The following CYP2J2 variants were observed in gnomAD, a reference collection of about 807,000 sequenced individuals.
The protein encoded by CYP2J2 is cytochrome P450 family 2 subfamily J member 2.
In CYP2J2, 41 loss-of-function variants were observed where a neutral mutation model predicts 48.8. That is an observed-to-expected ratio of 0.84 (90% CI 0.66 to 1.09). The LOEUF (loss-of-function observed/expected upper bound fraction) is 1.09, where lower values mean the gene tolerates loss of function less well. Ranked by LOEUF, CYP2J2 falls within the 50% of genes least tolerant of loss-of-function variation. The pLI, the probability that CYP2J2 is intolerant of heterozygous loss-of-function variation, is 0.00. For missense variants in CYP2J2, 644 were observed against 617.3 expected, an observed-to-expected ratio of 1.04 and a Z score of -0.46; for synonymous variants, 221 against 227.1, an observed-to-expected ratio of 0.97 and a Z score of 0.24.
the CYP2J2 span, among the ~76,000 whole-genome samples, chr1:59,950,315 G>A: frequency 6.6e-6 from 1 of 152,184 alleles, no homozygotes; most frequent in East Asian, 1.9e-4. Flanking sequence ...TTTGTGAGCT[G>A]TCAAGACCAT....
the CYP2J2 span, among the ~76,000 whole-genome samples, chr1:59,939,031 T>C: frequency 6.6e-6 from 1 of 152,192 alleles, no homozygotes; most frequent in Non-Finnish European, 1.5e-5. Context: ...GGCAAAGAGA[T>C]TGGAGCAAAG....
At position 59,893,663 on chromosome 1, in the gene CYP2J2, A is replaced by T. The variant is rs2228114; in HGVS notation, c.1497T>A (p.Val499=). 7.6e-4 allele frequency: 1,214 copies of T among 1,605,662 alleles called. 6 individuals are homozygous for T. In the African/African-American group the frequency reaches 0.015, roughly 20 times the overall value. Residue 499 remains valine, a synonymous_variant, in exon 9 of 9, where the codon GTT becomes GTA. Transcript: ENST00000371204. ...ISPVSHRLCA[V]PQV is the part of the protein sequence containing the mutation. ...TTTCTTAACAATATTACACCTGAGG[A>T]ACAGCGCAGAGGCGGTGACTGACTG...
At position 59,905,167 on chromosome 1, in the gene CYP2J2, G is replaced by A; in HGVS notation, c.1004-109C>T. 2.7e-6 allele frequency: 3 copies of A among 1,130,912 alleles called. No individual in the cohort carries two copies. In the South Asian group the frequency reaches 4.4e-5, roughly 17 times the overall value. 70.1% of individuals were successfully genotyped at this position (1,130,912 alleles called of 1,614,324 possible). On this transcript the variant is annotated intron_variant, in intron 6 of 8. Transcript: ENST00000371204. ...CTGTTGTATTTCAATTAGTGACCAG[G>A]TTGCAAGAAATAAAATGGTTCTTAA... is the stretch of plus-strand genomic sequence containing the variant.
At chr1:59,909,606 C>T (rs1644393903) in intron 5 of CYP2J2, among the ~76,000 whole-genome samples, 178 bp downstream of exon 5, 1 of 152,172 alleles carries the variant, frequency 6.6e-6, no homozygotes, top group Non-Finnish European at 1.5e-5. Context: ...TAGCCAAAAC[C>T]TTATCTGTAA....
At chr1:59,955,253 C>CAT in the CYP2J2 span, among the ~76,000 whole-genome samples, 618 of 107,962 alleles carry the variant, frequency 5.7e-3, 5 homozygotes, top group Middle Eastern at 0.034. Flanking sequence ...TATATATATC[C>CAT]ATATATATAT....
intron 7 of CYP2J2, among the ~76,000 whole-genome samples, chr1:59,903,649 T>C (rs768466218): frequency 4.6e-5 from 7 of 152,172 alleles, no homozygotes; most frequent in South Asian, 4.1e-4. Flanking sequence ...AGCCTACACA[T>C]GTACTCCCTG....
chr1:59,959,402 A>G, the CYP2J2 span, among the ~76,000 whole-genome samples: 1 of 152,146 alleles, frequency 6.6e-6, no homozygotes, highest in Admixed American at 6.6e-5. Context: ...AGCAATCCCA[A>G]TACTGGGTAA....
chr1:59,907,871 C>T lies in CYP2J2; in HGVS notation c.918G>A (p.Leu306=), dbSNP rs1405452146. ...FHEENLICST[L]DLFFAGTETT... Reference sequence around the variant, plus strand: ...TCTCGGTTCCGGCAAAGAAGAGGTCCAGGGTGCTGCAGATGAGGTTTTCTT... The same window carrying T: ...TCTCGGTTCCGGCAAAGAAGAGGTCTAGGGTGCTGCAGATGAGGTTTTCTT... The change falls in exon 6 of 9, where the codon CTG becomes CTA. Residue 306 remains leucine, a synonymous_variant. Transcript: ENST00000371204. The T allele has an allele frequency of 1.9e-6, 3 of 1,614,058 alleles. No homozygotes were observed. The highest frequency in any genetic ancestry group is 1.7e-6 in the Non-Finnish European group (2 of 1,179,952).
intron 1 of CYP2J2, among the ~76,000 whole-genome samples, chr1:59,924,959 A>C (rs955303281): frequency 1.3e-5 from 2 of 152,150 alleles, no homozygotes; most frequent in Non-Finnish European, 2.9e-5. Context: ...AAGAATAGAA[A>C]TGCATATACC....
At chr1:59,906,806 T>C (rs1265255364) in intron 6 of CYP2J2, among the ~76,000 whole-genome samples, 1 of 152,204 alleles carries the variant, frequency 6.6e-6, no homozygotes, top group East Asian at 1.9e-4. Context: ...AATATACATA[T>C]AAAGCATACA....
chr1:59,955,351 C>A, the CYP2J2 span, among the ~76,000 whole-genome samples: 27 of 146,430 alleles, frequency 1.8e-4, no homozygotes, highest in African/African-American at 6.2e-4. Flanking sequence ...TTCTTGCTTA[C>A]GAGAGAATGC....
chr1:59,948,500 A>G, the CYP2J2 span, among the ~76,000 whole-genome samples: 1 of 152,248 alleles, frequency 6.6e-6, no homozygotes, highest in East Asian at 1.9e-4. Context: ...AAAACATACA[A>G]AAATAAAAAT....
At chr1:59,896,191 A>G (rs569919882) in intron 8 of CYP2J2, among the ~76,000 whole-genome samples, 1 of 152,198 alleles carries the variant, frequency 6.6e-6, no homozygotes, top group African/African-American at 2.4e-5. Context: ...AGGCATGCTC[A>G]TTGCTCTCCA....
intron 8 of CYP2J2, among the ~76,000 whole-genome samples, chr1:59,896,784 A>T (rs1049725018): frequency 6.6e-6 from 1 of 152,252 alleles, no homozygotes. Flanking sequence ...CATGAAAAAG[A>T]AAGTTATAAA....
chr1:59,913,163 CA>C (rs1644433579), intron 2 of CYP2J2: 1 of 152,126 alleles, frequency 6.6e-6, no homozygotes, highest in Non-Finnish European at 1.5e-5. Flanking sequence ...CTCAGGATAC[CA>C]CTGTCTCCAG....
upstream of CYP2J2, among the ~76,000 whole-genome samples, chr1:59,929,866 A>C (rs547862160): frequency 2.3e-4 from 35 of 152,318 alleles, no homozygotes; most frequent in Admixed American, 6.5e-4. Context: ...ATAGCTGTAA[A>C]ATTTCCAAAA....
chr1:59,899,281 A>C (rs1241405994), intron 8 of CYP2J2, among the ~76,000 whole-genome samples: 1 of 152,266 alleles, frequency 6.6e-6, no homozygotes, highest in African/African-American at 2.4e-5. Context: ...GAAGACTGGA[A>C]GATAGTCCTA....
Position 59,893,709 on chromosome 1 carries a change from C to A in CYP2J2, c.1451G>T (p.Arg484Ile). ...GACTGGGGAAATGGTGATACCCATT[C>A]TAAACTTCAGGCTCAGCTTCTCATT... ...PNNEKLSLKF[R>I]MGITISPVSH... Residue 484 changes from arginine to isoleucine, a missense_variant, in exon 9 of 9, where the codon AGA becomes ATA. Arg to Ile is a moderately conservative substitution (Grantham distance 97, BLOSUM62 -3). Transcript: ENST00000371204. 6.2e-7 allele frequency: 1 copy of A among 1,613,508 alleles called. No individual in the cohort carries two copies. The highest frequency in any genetic ancestry group is 8.5e-7 in the Non-Finnish European group (1 of 1,179,722).
the CYP2J2 span, among the ~76,000 whole-genome samples, chr1:59,953,034 T>C: frequency 6.6e-6 from 1 of 152,274 alleles, no homozygotes; most frequent in African/African-American, 2.4e-5. Flanking sequence ...ACCATAGAGT[T>C]AGAGAAAACC....
Sources: gnomAD v4.1 joint callset for allele counts (sites outside exome capture counted in the v4.1 genomes callset) on GRCh38, gnomAD v4.1.1 for gene constraint, MANE v1.5 for transcripts, NCBI Gene and HGNC (gene_info 2026-07-23, HGNC 2026-07-21) for gene names.